ABHD17C: variants seen among roughly 807,000 people sequenced by gnomAD.
ABHD17C encodes the protein alpha/beta hydrolase domain-containing protein 17C.
ABHD17C carries 11 observed loss-of-function variants against 27.9 expected under a neutral mutation model. That is an observed-to-expected ratio of 0.39 (90% CI 0.25 to 0.65). The LOEUF is 0.65. ABHD17C is among the 30% of genes least tolerant of loss of function. The probability of loss-of-function intolerance (pLI) is 0.45; values close to 1 mark genes in which losing one functional copy is unlikely to be tolerated. For missense variants in ABHD17C, 280 were observed against 470.2 expected (o/e 0.60, Z 3.74); for synonymous variants, 233 against 209.1 (o/e 1.11, Z -0.98).
At chr15:80,710,022 A>C (rs1488917510) in intron 1 of ABHD17C, among the ~76,000 whole-genome samples, 5 of 152,202 alleles carry the variant, frequency 3.3e-5, no homozygotes, top group Admixed American at 3.3e-4. Context: ...GATAAGTGCT[A>C]GAGGAAAACA....
At chr15:80,714,488 T>C (rs1211893099) in intron 1 of ABHD17C, among the ~76,000 whole-genome samples, 1 of 152,184 alleles carries the variant, frequency 6.6e-6, no homozygotes, top group South Asian at 2.1e-4. Context: ...TGAGCCAGGA[T>C]TTGAACGCAG....
chr15:80,752,425 A>G (rs775031315), intron 2 of ABHD17C, among the ~76,000 whole-genome samples: 8 of 151,942 alleles, frequency 5.3e-5, no homozygotes, highest in Non-Finnish European at 1.2e-4. Context: ...AGATCTTTGG[A>G]ATGTGTAATT....
At chr15:80,716,684 G>A (rs1216765892) in intron 1 of ABHD17C, among the ~76,000 whole-genome samples, 1 of 152,120 alleles carries the variant, frequency 6.6e-6, no homozygotes, top group Non-Finnish European at 1.5e-5. Flanking sequence ...AGGCAGAAGT[G>A]GCGTCTTGTT....
chr15:80,736,961 T>C (rs1318501363), intron 1 of ABHD17C, among the ~76,000 whole-genome samples: 2 of 152,218 alleles, frequency 1.3e-5, no homozygotes, highest in Admixed American at 6.5e-5. Context: ...ACTTCCTGCC[T>C]CAGTGCTTCC....
intron 1 of ABHD17C, among the ~76,000 whole-genome samples, chr15:80,697,491 G>A (rs1244252554): frequency 6.6e-6 from 1 of 152,198 alleles, no homozygotes; most frequent in Non-Finnish European, 1.5e-5. Context: ...TAATTGAAGA[G>A]TTTCCATAGA....
intron 1 of ABHD17C, among the ~76,000 whole-genome samples, chr15:80,696,684 G>T (rs1196112342): frequency 6.6e-6 from 1 of 152,152 alleles, no homozygotes; most frequent in Admixed American, 6.5e-5. Flanking sequence ...AAACTTGCAG[G>T]GGCTGGGAAA....
intron 1 of ABHD17C, among the ~76,000 whole-genome samples, chr15:80,699,700 G>A (rs1253134317): frequency 6.6e-6 from 1 of 152,206 alleles, no homozygotes; most frequent in Non-Finnish European, 1.5e-5. Flanking sequence ...GAGTATTAAG[G>A]TGGGCACGTA....
In ABHD17C at chr15:80,749,507, C is replaced by A. The variant is rs1239815829; in HGVS notation, c.591-6C>A. 1 of 1,612,942 alleles carries A rather than the reference C, an allele frequency of 6.2e-7. No homozygotes were observed. The highest frequency in any genetic ancestry group is 1.3e-5 in the African/African-American group (1 of 74,886). On this transcript the variant is annotated splice_region_variant and splice_polypyrimidine_tract_variant and intron_variant, in intron 1 of 2. Coordinates refer to ENST00000258884, the MANE Select transcript of ABHD17C (RefSeq NM_021214.2). ...GCTAATGGCATACAACCTCTGATTT[C>A]TCCAGGTATGGCGTGAGTCCCGAGA...
chr15:80,749,394 T>G, intron 1 of ABHD17C, 119 bp from the exon 2 acceptor site: 28 of 1,000,816 alleles, frequency 2.8e-5, no homozygotes, highest in Non-Finnish European at 3.9e-5. Flanking sequence ...ACAAGTTAGA[T>G]GATATGGTTT....
At chr15:80,747,857 A>G (rs887300206) in intron 1 of ABHD17C, among the ~76,000 whole-genome samples, 4 of 152,092 alleles carry the variant, frequency 2.6e-5, no homozygotes, top group Non-Finnish European at 5.9e-5. Flanking sequence ...CGGATCTCCC[A>G]GCTTCCTTTT....
chr15:80,749,829 T>G (rs1895342276), intron 2 of ABHD17C, 137 bp downstream of exon 2: 1 of 1,029,372 alleles, frequency 9.7e-7, no homozygotes, highest in East Asian at 2.6e-5. Flanking sequence ...ACAGGGCATG[T>G]GGGAGCAAAT....
intron 1 of ABHD17C, among the ~76,000 whole-genome samples, chr15:80,700,981 G>A (rs941383593): frequency 3.3e-5 from 5 of 152,174 alleles, no homozygotes; most frequent in East Asian, 1.9e-4. Flanking sequence ...CGTGTACTAC[G>A]TACTCTTGAA....
At chr15:80,703,775 G>T (rs572510232) in intron 1 of ABHD17C, among the ~76,000 whole-genome samples, 5 of 152,134 alleles carry the variant, frequency 3.3e-5, no homozygotes, top group Non-Finnish European at 7.4e-5. Context: ...TGTTAGAAAA[G>T]ATTTTTTATA....
intron 1 of ABHD17C, among the ~76,000 whole-genome samples, chr15:80,696,477 C>G (rs1238611217): frequency 1.3e-5 from 2 of 152,210 alleles, no homozygotes; most frequent in Admixed American, 6.5e-5. Flanking sequence ...ACAGGATGGC[C>G]TCTAAAAGAC....
At chr15:80,726,573 G>A (rs1477608428) in intron 1 of ABHD17C, among the ~76,000 whole-genome samples, 4 of 127,440 alleles carry the variant, frequency 3.1e-5, no homozygotes, top group Non-Finnish European at 6.2e-5. Flanking sequence ...GGGCGGTGGC[G>A]AGATCTTGGC....
At chr15:80,735,256 A>G (rs1895113865) in intron 1 of ABHD17C, among the ~76,000 whole-genome samples, 1 of 152,178 alleles carries the variant, frequency 6.6e-6, no homozygotes, top group African/African-American at 2.4e-5. Flanking sequence ...GAAACTCAAT[A>G]TATTCCCAAA....
At chr15:80,751,005 C>T (rs1248906957) in intron 2 of ABHD17C, among the ~76,000 whole-genome samples, 6 of 151,528 alleles carry the variant, frequency 4.0e-5, no homozygotes, top group African/African-American at 1.2e-4. Context: ...TGGCAGGTAT[C>T]GGGCTATGCA....
rs62007944 is a variant in ABHD17C, at chr15:80,695,471, T to C, written c.42T>C (p.Gly14=). ...PGPRMNGFSL[G]ELCWLFCCPP... is the part of the protein sequence containing the mutation. The stretch of plus-strand genomic sequence containing the variant: ...CCAGGATGAACGGCTTCTCGCTGGG[T>C]GAGCTGTGCTGGCTCTTCTGCTGCC... The change falls in exon 1 of 3, where the codon GGT becomes GGC. Residue 14 remains glycine (G), a synonymous_variant. Transcript: ENST00000258884. This position sits in a 1 kb window ranked among gnomAD's most constrained non-coding sequence, Gnocchi z 4.3. 1 allele frequency: 1,377,095 copies of C among 1,382,282 alleles called. 686,121 individuals are homozygous for C. The highest frequency in any genetic ancestry group is 1 in the East Asian group (27,204 of 27,204). The allele number at this position is 1,382,282 out of a possible 1,614,324, so 85.6% of individuals were successfully genotyped here.
intron 1 of ABHD17C, among the ~76,000 whole-genome samples, chr15:80,700,649 G>T (rs947001457): frequency 7.2e-5 from 11 of 152,132 alleles, no homozygotes; most frequent in Admixed American, 7.2e-4. Context: ...TGTAAACCCA[G>T]CAATTTGGGA....
Sources: gnomAD v4.1 joint callset for allele counts (sites outside exome capture counted in the v4.1 genomes callset) on GRCh38, gnomAD v4.1.1 for gene constraint, Gnocchi (gnomAD v3.1) non-coding constraint, MANE v1.5 for transcripts, NCBI Gene and HGNC (gene_info 2026-07-23, HGNC 2026-07-21) for gene names.